Variants in MYO7A observed in about 807,000 individuals in gnomAD.
MYO7A encodes the protein myosin VIIA, also known as unconventional myosin-VIIa.
In MYO7A, 210 loss-of-function variants were observed where a neutral mutation model predicts 263.8. The observed-to-expected ratio is 0.80, with a 90% CI of 0.71 to 0.89. The LOEUF (loss-of-function observed/expected upper bound fraction) is 0.89. Among genes scored for constraint, MYO7A ranks in the 40% least tolerant of loss-of-function variants. MYO7A has a pLI of 0.00. For missense variants in MYO7A, 2,820 were observed against 2,968.3 expected, an observed-to-expected ratio of 0.95 and a Z score of 1.16; for synonymous variants, 1,239 against 1,197.3, an observed-to-expected ratio of 1.03 and a Z score of -0.72.
At position 77,156,957 on chromosome 11, in the gene MYO7A, G is replaced by T; in HGVS notation, c.688G>T (p.Ala230Ser). 1 of 1,613,938 alleles carries T rather than the reference G, an allele frequency of 6.2e-7. No homozygotes were observed. ...CAACAAGCGGGGCGCCATCGAGGGCGCGAAGATTGAGCAGTACCTGCTGGA... is the reference window on the plus strand; with the variant it reads ...CAACAAGCGGGGCGCCATCGAGGGCTCGAAGATTGAGCAGTACCTGCTGGA... ...HFNKRGAIEG[A>S]KIEQYLLEKS... Residue 230 changes from alanine (A) to serine (S), a missense_variant, in exon 7 of 49, where the codon GCG becomes TCG. Transcript: ENST00000409709.
At chr11:77,194,668 T>A in intron 32 of MYO7A, 144 bp downstream of exon 32, 1 of 869,726 alleles carries the variant, frequency 1.1e-6, no homozygotes. Context: ...GGACATCAGC[T>A]CACTCATTCT....
chr11:77,201,490 T>C lies in MYO7A; in HGVS notation c.4895T>C (p.Leu1632Pro), dbSNP rs1422595379. ...SGFLSFAKGD[L>P]IILDHDTGEQ... ...TTCCTCAGCTTTGCCAAGGGAGACCTCATCATCCTGGACCATGACACGGGC... is the reference window on the plus strand; with the variant it reads ...TTCCTCAGCTTTGCCAAGGGAGACCCCATCATCCTGGACCATGACACGGGC... Residue 1632 changes from leucine (L) to proline (P), a missense_variant, in exon 36 of 49, where the codon CTC becomes CCC. Physicochemically the swap from Leu to Pro is moderately conservative, Grantham distance 98. Coordinates refer to ENST00000409709, the MANE Select transcript of MYO7A (RefSeq NM_000260.4). 1.2e-6 allele frequency: 2 copies of C among 1,613,838 alleles called. No homozygotes were observed. The highest frequency in any genetic ancestry group is 2.7e-5 in the African/African-American group (2 of 74,922).
chr11:77,180,415 G>A lies in MYO7A; in HGVS notation c.2628G>A (p.Glu876=), dbSNP rs782747460. 5.0e-6 allele frequency: 8 copies of A among 1,612,214 alleles called. No individual in the cohort carries two copies. In the East Asian group the frequency reaches 1.6e-4, roughly 31 times the overall value. Residue 876 remains glutamate, a synonymous_variant, in exon 22 of 49, where the codon GAG becomes GAA. Coordinates refer to ENST00000409709, the MANE Select transcript of MYO7A (RefSeq NM_000260.4). The part of the protein sequence containing the change: ...RLEAEKMRLA[E]EEKLRKEMSA... The stretch of plus-strand genomic sequence containing the variant: ...AGGCTGAGAAAATGCGGCTGGCGGA[G>A]GAAGAGAAGCTTCGGAAGGAGATGA...
In MYO7A at chr11:77,202,561, T is replaced by A. The variant is rs1259534676; in HGVS notation, c.5168+137T>A. On this transcript the variant is annotated intron_variant, in intron 37 of 48. Coordinates refer to ENST00000409709, the MANE Select transcript of MYO7A (RefSeq NM_000260.4). The stretch of plus-strand genomic sequence containing the variant: ...CCTGGGTCAGAGGGAGCTGGAGGGC[T>A]GTTTCTGTCTGCCAGGATGACCCGT... 6.0e-6 allele frequency: 7 copies of A among 1,166,916 alleles called. No individual in the cohort carries two copies. In the South Asian group the frequency reaches 1.2e-4, roughly 19 times the overall value. The allele number at this position is 1,166,916 out of a possible 1,614,324, so 72.3% of individuals were successfully genotyped here.
chr11:77,202,193 A>G (rs1282259710), intron 36 of MYO7A, 107 bp from the exon 37 acceptor site: 5 of 1,338,316 alleles, frequency 3.7e-6, no homozygotes, highest in Non-Finnish European at 5.0e-6. Context: ...TGGGGTCCAT[A>G]CCCCTGAAGA....
At chr11:77,159,700 G>A (rs1555067095) in intron 10 of MYO7A, among the ~76,000 whole-genome samples, 177 bp downstream of exon 10, 1 of 152,208 alleles carries the variant, frequency 6.6e-6, no homozygotes, top group Non-Finnish European at 1.5e-5. Flanking sequence ...GGTCCTGAAG[G>A]AGCTTCTGTG....
chr11:77,206,070 C>G (rs1307753074), intron 40 of MYO7A, 27 bp from the exon 41 acceptor site: 44 of 1,560,084 alleles, frequency 2.8e-5, no homozygotes, highest in Non-Finnish European at 3.4e-5. Context: ...ACGCACATGC[C>G]CCCTGCTGCC....
At chr11:77,152,484 C>T (rs1952056243) in intron 4 of MYO7A, among the ~76,000 whole-genome samples, 1 of 152,226 alleles carries the variant, frequency 6.6e-6, no homozygotes, top group Non-Finnish European at 1.5e-5. Context: ...CTCAGGGTTA[C>T]TTCTCCCTCC....
Position 77,194,364 on chromosome 11 carries a change from T to G in MYO7A, c.4163T>G (p.Leu1388Arg), listed in dbSNP as rs755771305. ...CCTCCCCCCACCTAGGAGGACGACC[T>G]GGCTGAGCTGGCCTCCCAGCAGTAC... The part of the protein sequence containing the change: ...GEYRCEKEDD[L>R]AELASQQYFV... Residue 1388 changes from leucine to arginine, a missense_variant, in exon 32 of 49, where the codon CTG (leucine) becomes CGG (arginine). Leu to Arg is a moderately radical substitution (Grantham distance 102, BLOSUM62 -2). Coordinates refer to ENST00000409709, the MANE Select transcript of MYO7A (RefSeq NM_000260.4). 1.2e-6 allele frequency: 2 copies of G among 1,612,088 alleles called. No individual in the cohort carries two copies. Among genetic ancestry groups the G allele is most frequent in the Admixed American group, 1.7e-5 (1 of 59,828 alleles).
At chr11:77,182,850 G>C (rs1295063304) in intron 25 of MYO7A, among the ~76,000 whole-genome samples, 3 of 152,242 alleles carry the variant, frequency 2.0e-5, no homozygotes, top group Non-Finnish European at 4.4e-5. Context: ...GTTGGAGCCA[G>C]CTCCCGTACT....
chr11:77,192,935 G>A (rs1486726723), intron 31 of MYO7A, among the ~76,000 whole-genome samples: 1 of 3,530 alleles, frequency 2.8e-4, no homozygotes, highest in Non-Finnish European at 5.5e-4. Context: ...GGTGTTGTTT[G>A]TGATGGTGGA....
At chr11:77,133,996 C>T (rs1950842547) in intron 2 of MYO7A, among the ~76,000 whole-genome samples, 1 of 152,016 alleles carries the variant, frequency 6.6e-6, no homozygotes, top group South Asian at 2.1e-4. Flanking sequence ...ATGACACAAT[C>T]TCGGCCCACT....
intron 12 of MYO7A, 76 bp downstream of exon 12, chr11:77,161,191 G>T: frequency 6.4e-7 from 1 of 1,573,332 alleles, no homozygotes; most frequent in Non-Finnish European, 8.7e-7. Context: ...TCTCCCTTGC[G>T]AAGCACATTT....
At chr11:77,201,677 A>T in intron 36 of MYO7A, 39 bp downstream of exon 36, 1 of 1,593,076 alleles carries the variant, frequency 6.3e-7, no homozygotes, top group Non-Finnish European at 8.6e-7. Flanking sequence ...GGGAGGTGCC[A>T]TTAGACCCCT....
At chr11:77,177,134 C>T (rs1022556737) in intron 18 of MYO7A, among the ~76,000 whole-genome samples, 4 of 152,068 alleles carry the variant, frequency 2.6e-5, no homozygotes, top group Non-Finnish European at 4.4e-5. Flanking sequence ...GCCAGGAGGC[C>T]GCGAGACCTT....
rs764111167 is a variant in MYO7A at position 77,198,640 on chromosome 11, A to G, written c.4568+19A>G. On this transcript the variant is annotated intron_variant, in intron 34 of 48. Coordinates refer to ENST00000409709, the MANE Select transcript of MYO7A (RefSeq NM_000260.4). ...GCAGCAGGTGAGGAGGCCCGCATGG[A>G]GATGCAGACAGACAGAGGGGAAGGA... is the stretch of plus-strand genomic sequence containing the variant. 2.3e-5 allele frequency: 37 copies of G among 1,613,044 alleles called. 3 individuals carry two copies. In the South Asian group the frequency reaches 4.1e-4, roughly 18 times the overall value.
intron 23 of MYO7A, 77 bp downstream of exon 23, chr11:77,181,666 G>C (rs1422004817): frequency 1.4e-6 from 2 of 1,392,758 alleles, no homozygotes; most frequent in South Asian, 1.3e-5. Flanking sequence ...TGTGCCCTTG[G>C]CCTTAAAGCC....
intron 16 of MYO7A, among the ~76,000 whole-genome samples, 179 bp downstream of exon 16, chr11:77,173,064 G>A (rs1555077514): frequency 6.6e-6 from 1 of 151,976 alleles, no homozygotes; most frequent in Admixed American, 6.6e-5. Flanking sequence ...AGGTGCCTTG[G>A]AAAGAGCCTA....
At position 77,211,161 on chromosome 11, in the gene MYO7A, A is replaced by G; in HGVS notation, c.6061A>G (p.Lys2021Glu). The change falls in exon 45 of 49, where the codon AAG (lysine) becomes GAG (glutamate). Residue 2021 changes from lysine to glutamate, a missense_variant. By Grantham distance (56) the Lys-to-Glu change is moderately conservative. Transcript: ENST00000409709. ...SIFHYYQELP[K>E]YLRGYHKCTR... ...GCTCTGTCTCTGACAGGAGTTGCCCAAGTATCTCCGAGGCTACCACAAGTG... is the reference window on the plus strand; with the variant it reads ...GCTCTGTCTCTGACAGGAGTTGCCCGAGTATCTCCGAGGCTACCACAAGTG... 1 of 1,578,474 alleles carries G rather than the reference A, an allele frequency of 6.3e-7. No homozygotes were observed. Among genetic ancestry groups the G allele is most frequent in the Non-Finnish European group, 8.6e-7 (1 of 1,161,582 alleles).
Sources: gnomAD v4.1 joint callset for allele counts (sites outside exome capture counted in the v4.1 genomes callset) on GRCh38, gnomAD v4.1.1 for gene constraint, MANE v1.5 for transcripts, NCBI Gene and HGNC (gene_info 2026-07-23, HGNC 2026-07-21) for gene names.